Variants in PIK3C2G observed in about 807,000 individuals in gnomAD.
The protein encoded by PIK3C2G is phosphatidylinositol-4-phosphate 3-kinase catalytic subunit type 2 gamma.
Under a neutral mutation model 181.1 loss-of-function variants are expected in PIK3C2G, and 168 were observed. The observed-to-expected ratio is 0.93, with a 90% CI of 0.82 to 1.05. The LOEUF (loss-of-function observed/expected upper bound fraction) is 1.05. PIK3C2G is among the 50% of genes least tolerant of loss of function. The pLI, the probability that PIK3C2G is intolerant of heterozygous loss-of-function variation, is 0.00. For missense variants in PIK3C2G, 1,869 were observed against 1,732.8 expected (o/e 1.08, Z -1.40); for synonymous variants, 573 against 592.2 (o/e 0.97, Z 0.47).
intron 5 of PIK3C2G, among the ~76,000 whole-genome samples, chr12:18,304,024 G>A (rs970828681): frequency 6.6e-6 from 1 of 151,756 alleles, no homozygotes; most frequent in Non-Finnish European, 1.5e-5. Flanking sequence ...TAAGAAGGTG[G>A]TATTTACCTC....
At chr12:18,400,192 A>G (rs1859770853) in intron 16 of PIK3C2G, among the ~76,000 whole-genome samples, 1 of 152,182 alleles carries the variant, frequency 6.6e-6, no homozygotes, top group Admixed American at 6.5e-5. Flanking sequence ...TTTTTGTACT[A>G]TTAAAATATG....
chr12:18,380,272 C>G (rs1293911942), intron 13 of PIK3C2G, among the ~76,000 whole-genome samples: 1 of 152,102 alleles, frequency 6.6e-6, no homozygotes, highest in East Asian at 1.9e-4. Context: ...GCTTTTCTGT[C>G]GTCATGTTCT....
chr12:18,408,548 A>G lies in PIK3C2G; in HGVS notation c.2315+8701A>G, dbSNP rs143008431. On this transcript the variant is annotated intron_variant, in intron 16 of 32. Transcript: ENST00000538779. ...TTAGGATTGTCTTTAACAAAAGCCA[A>G]AACAGACAAATGGGATCTAATTAAA... Among the ~76,000 whole-genome samples, 1,064 of 152,216 alleles carry G rather than the reference A, an allele frequency of 7.0e-3. 6 individuals are homozygous for G. The highest frequency in any genetic ancestry group is 0.019 in the African/African-American group (777 of 41,542).
intron 15 of PIK3C2G, among the ~76,000 whole-genome samples, chr12:18,398,585 G>T (rs1418772192): frequency 1.3e-5 from 2 of 152,162 alleles, no homozygotes; most frequent in Non-Finnish European, 2.9e-5. Flanking sequence ...GTCGTGTGAG[G>T]GAAGCTGTCC....
rs751183061 is a variant in PIK3C2G at position 18,391,151 on chromosome 12, T to C, written c.2025T>C (p.Tyr675=). Residue 675 remains tyrosine, a synonymous_variant, in exon 15 of 33, where the codon TAT becomes TAC. Coordinates refer to ENST00000538779, the MANE Select transcript of PIK3C2G (RefSeq NM_001288772.2). ...QIDFPATGWE[Y]MKPDSEENRS... is the part of the protein sequence containing the mutation. ...ATTTTCCAGCTACTGGGTGGGAGTA[T>C]ATGAAACCTGATTCTGAAGAGAATA... 36 of 1,608,968 alleles carry C rather than the reference T, an allele frequency of 2.2e-5. No homozygotes were observed. The South Asian group carries it at 3.0e-4, about 13-fold the overall frequency.
At chr12:18,693,367 T>C in the PIK3C2G span, 1 of 1,602,642 alleles carries the variant, frequency 6.2e-7, no homozygotes. Context: ...ATTCGGGAAA[T>C]TAAGGAATCT....
chr12:18,332,641 A>G (rs1938097125), intron 8 of PIK3C2G, among the ~76,000 whole-genome samples: 1 of 152,006 alleles, frequency 6.6e-6, no homozygotes, highest in Non-Finnish European at 1.5e-5. Context: ...TTCAACAGCA[A>G]AGGAGCTTCT....
chr12:18,523,883 TG>T (rs1221656270), intron 24 of PIK3C2G, among the ~76,000 whole-genome samples: 1 of 152,202 alleles, frequency 6.6e-6, no homozygotes, highest in Non-Finnish European at 1.5e-5. Flanking sequence ...CTGTCAACCC[TG>T]GGAAGACTTG....
At chr12:18,395,067 C>T (rs1943781467) in intron 15 of PIK3C2G, among the ~76,000 whole-genome samples, 1 of 148,630 alleles carries the variant, frequency 6.7e-6, no homozygotes, top group South Asian at 2.1e-4. Context: ...TTCCTTCTTT[C>T]CCTGCCTCTT....
chr12:18,716,144 C>A, the PIK3C2G span, among the ~76,000 whole-genome samples: 1 of 151,992 alleles, frequency 6.6e-6, no homozygotes, highest in Non-Finnish European at 1.5e-5. Flanking sequence ...GCTTTCCTGA[C>A]TCGTATTTGA....
chr12:18,561,653 C>T (rs1408981981), intron 26 of PIK3C2G, among the ~76,000 whole-genome samples: 1 of 151,644 alleles, frequency 6.6e-6, no homozygotes, highest in Non-Finnish European at 1.5e-5. Context: ...CAATATTGCT[C>T]TCAACAGAGA....
the PIK3C2G span, among the ~76,000 whole-genome samples, chr12:18,689,026 A>C: frequency 1.3e-4 from 20 of 152,220 alleles, no homozygotes; most frequent in Middle Eastern, 3.4e-3. Context: ...AAAAAACACT[A>C]ATGTGTGATT....
chr12:18,603,254 A>G (rs1947830130), intron 30 of PIK3C2G, among the ~76,000 whole-genome samples: 1 of 152,178 alleles, frequency 6.6e-6, no homozygotes, highest in Admixed American at 6.5e-5. Flanking sequence ...ATATAATTGA[A>G]TAAGTAGAAG....
At chr12:18,301,795 T>C (rs1950187289) in intron 5 of PIK3C2G, among the ~76,000 whole-genome samples, 1 of 152,218 alleles carries the variant, frequency 6.6e-6, no homozygotes. Context: ...TTCTTATGTC[T>C]TTACACAAAA....
At position 18,537,934 on chromosome 12, in the gene PIK3C2G, A is replaced by G. The variant is rs184133005; in HGVS notation, c.3324-222A>G. Among the ~76,000 whole-genome samples the G allele has an allele frequency of 4.5e-4, 68 of 152,130 alleles. 1 individual carries two copies. Among genetic ancestry groups the G allele is most frequent in the Admixed American group, 1.9e-3 (29 of 15,222 alleles). On this transcript the variant is annotated intron_variant, in intron 24 of 32. Coordinates refer to ENST00000538779, the MANE Select transcript of PIK3C2G (RefSeq NM_001288772.2). ...TTAAACATTTCAGACAATATAGTTG[A>G]CATTGTAAAATATCTTATCCTTTTC...
At chr12:18,493,735 T>C (rs1321530429) in intron 20 of PIK3C2G, 4 of 152,238 alleles carry the variant, frequency 2.6e-5, no homozygotes, top group African/African-American at 9.6e-5. Flanking sequence ...TCTATCACTA[T>C]CAGTCAACTA....
rs932438258 is a variant in PIK3C2G at position 18,565,553 on chromosome 12, A to G, written c.3903-1396A>G. Among the ~76,000 whole-genome samples, 3 of 152,264 alleles carry G rather than the reference A, an allele frequency of 2.0e-5. No homozygotes were observed. The East Asian group carries it at 5.8e-4, about 29-fold the overall frequency. ...CTCTAATAATGAAATATCAAATCAA[A>G]TCTTTGTCAGATGTTTTCTAATCTT... On this transcript the variant is annotated intron_variant, in intron 28 of 32. Coordinates refer to ENST00000538779, the MANE Select transcript of PIK3C2G (RefSeq NM_001288772.2).
intron 32 of PIK3C2G, among the ~76,000 whole-genome samples, chr12:18,644,519 C>T (rs996924193): frequency 3.3e-5 from 5 of 152,062 alleles, no homozygotes; most frequent in African/African-American, 7.2e-5. Flanking sequence ...AGAACAGGAA[C>T]GTTCTATGCA....
intron 10 of PIK3C2G, among the ~76,000 whole-genome samples, chr12:18,345,684 TA>T (rs1260459826): frequency 3.9e-5 from 6 of 152,314 alleles, no homozygotes; most frequent in Admixed American, 3.9e-4. Context: ...CATGCTTTTT[TA>T]ACTTATAAAG....
Sources: allele counts gnomAD v4.1 joint callset (sites outside exome capture counted in the v4.1 genomes callset), GRCh38; gene constraint gnomAD v4.1.1; transcripts MANE v1.5; gene names NCBI Gene and HGNC (gene_info 2026-07-23, HGNC 2026-07-21).